The following ARCN1 variants were observed in gnomAD, a reference collection of about 807,000 sequenced individuals.
The protein encoded by ARCN1 is archain 1 coat protein complex I subunit delta, also known as coatomer subunit delta.
A neutral mutation model predicts 60.4 loss-of-function variants in ARCN1; 5 were observed. That is an observed-to-expected ratio of 0.08 (90% CI 0.04 to 0.17). The LOEUF is 0.17. Ranked by LOEUF, ARCN1 falls within the 10% of genes least tolerant of loss-of-function variation. The pLI, the probability that ARCN1 is intolerant of heterozygous loss-of-function variation, is 1.00. For synonymous variants in ARCN1, 224 were observed against 220.0 expected, an observed-to-expected ratio of 1.02 and a Z score of -0.16; for missense variants, 464 against 626.5, an observed-to-expected ratio of 0.74 and a Z score of 2.77.
rs1467164743 is a variant in ARCN1, at chr11:118,572,538, C to T, written c.-10C>T. Reference sequence around the variant, plus strand: ...CCGGAGTGCGGGCGCGCCCCACCACCGCCCTCACCATGGTAAGATCCGAGC... The same window carrying T: ...CCGGAGTGCGGGCGCGCCCCACCACTGCCCTCACCATGGTAAGATCCGAGC... On this transcript the variant is annotated 5_prime_UTR_variant, in exon 1 of 10. Transcript: ENST00000264028. 2.5e-6 allele frequency: 4 copies of T among 1,611,370 alleles called. No individual in the cohort carries two copies. The highest frequency in any genetic ancestry group is 1.7e-5 in the Admixed American group (1 of 59,816).
intron 5 of ARCN1, among the ~76,000 whole-genome samples, chr11:118,585,346 T>G (rs760524867): frequency 3.7e-4 from 57 of 152,166 alleles, no homozygotes; most frequent in Non-Finnish European, 6.5e-4. Context: ...ACAGCTAAAT[T>G]AAAGTTACTT....
At chr11:118,577,729 G>C (rs1297861573) in intron 1 of ARCN1, among the ~76,000 whole-genome samples, 2 of 152,168 alleles carry the variant, frequency 1.3e-5, no homozygotes, top group Non-Finnish European at 2.9e-5. Context: ...ATGCTAGCCT[G>C]TGTCATCTTA....
intron 4 of ARCN1, 98 bp downstream of exon 4, chr11:118,584,112 G>T: frequency 8.4e-7 from 1 of 1,196,388 alleles, no homozygotes; most frequent in Non-Finnish European, 1.2e-6. Context: ...AAATAAAGAA[G>T]GACTTGATGA....
intron 8 of ARCN1, among the ~76,000 whole-genome samples, chr11:118,596,404 C>A (rs1367979207): frequency 1.3e-5 from 2 of 152,152 alleles, no homozygotes; most frequent in Non-Finnish European, 2.9e-5. Flanking sequence ...TTCCTGTATT[C>A]TAGTTCAGTT....
intron 9 of ARCN1, among the ~76,000 whole-genome samples, chr11:118,599,676 C>T: frequency 6.6e-6 from 1 of 152,186 alleles, no homozygotes; most frequent in East Asian, 1.9e-4. Flanking sequence ...ATGATCCGCC[C>T]ACCTCGGCTT....
At chr11:118,575,995 T>C (rs1427396989) in intron 1 of ARCN1, among the ~76,000 whole-genome samples, 1 of 151,508 alleles carries the variant, frequency 6.6e-6, no homozygotes, top group African/African-American at 2.4e-5. Context: ...TTTCTGTTAC[T>C]GTAGTTTTCA....
rs1364924445 is a variant in ARCN1, at chr11:118,581,590, A to T, written c.267+81A>T. On this transcript the variant is annotated intron_variant, in intron 2 of 9. Coordinates refer to ENST00000264028, the MANE Select transcript of ARCN1 (RefSeq NM_001655.5). ...ACTAGTTTTTCCTCCAAAGCAGCTGATGCTAACCAGTTTGCAGGTTCCTAC... is the reference window on the plus strand; with the variant it reads ...ACTAGTTTTTCCTCCAAAGCAGCTGTTGCTAACCAGTTTGCAGGTTCCTAC... 11 of 1,469,498 alleles carry T rather than the reference A, an allele frequency of 7.5e-6. No homozygotes were observed. In the East Asian group the frequency reaches 1.6e-4, roughly 21 times the overall value. The allele number at this position is 1,469,498 out of a possible 1,614,324, so 91.0% of individuals were successfully genotyped here. A position where few individuals can be genotyped will look rare whatever the true frequency, so the allele number is the denominator to read the frequency against.
chr11:118,574,027 T>C (rs1328348903), intron 1 of ARCN1, among the ~76,000 whole-genome samples: 1 of 152,212 alleles, frequency 6.6e-6, no homozygotes, highest in Non-Finnish European at 1.5e-5. Flanking sequence ...AAATATTCTT[T>C]GTTAAAAGGT....
At chr11:118,575,411 G>GGTGTGTGTGTGTGTGTGTGTGT (rs56934953) in intron 1 of ARCN1, among the ~76,000 whole-genome samples, 53 of 149,186 alleles carry the variant, frequency 3.6e-4, no homozygotes, top group African/African-American at 1.3e-3. Context: ...ACTGATAACG[G>GGTGTGTGTGTGTGTGTGTGTGT]GTGTGTGTGT....
intron 9 of ARCN1, among the ~76,000 whole-genome samples, chr11:118,599,045 C>G (rs150520944): frequency 1.3e-5 from 2 of 151,618 alleles, no homozygotes; most frequent in Non-Finnish European, 2.9e-5. Context: ...CCGCCCACCT[C>G]AGCCTCCCAA....
At chr11:118,573,337 G>A (rs183686280) in intron 1 of ARCN1, among the ~76,000 whole-genome samples, 2 of 152,230 alleles carry the variant, frequency 1.3e-5, no homozygotes, top group African/African-American at 4.8e-5. Context: ...GGAGTAAGAG[G>A]GATGGGTTAG....
At chr11:118,593,304 T>G (rs1292581450) in intron 7 of ARCN1, among the ~76,000 whole-genome samples, 1 of 151,946 alleles carries the variant, frequency 6.6e-6, no homozygotes, top group African/African-American at 2.4e-5. Context: ...TCATGGCTCA[T>G]TACAACCTTG....
At chr11:118,590,892 C>T (rs1938892358) in intron 6 of ARCN1, among the ~76,000 whole-genome samples, 2 of 152,136 alleles carry the variant, frequency 1.3e-5, no homozygotes, top group South Asian at 2.1e-4. Context: ...GTGGCTCATG[C>T]CTATAATACC....
Position 118,601,965 on chromosome 11 carries a change from A to G in ARCN1, c.*1251A>G. On this transcript the variant is annotated 3_prime_UTR_variant, in exon 10 of 10. Coordinates refer to ENST00000264028, the MANE Select transcript of ARCN1 (RefSeq NM_001655.5). ...AGTCTGTAATCCATTCACATTCCTC[A>G]GTTTCACCACCTCCCTCTTCCAGAC... is the stretch of plus-strand genomic sequence containing the variant. 1 of 504,258 alleles carries G rather than the reference A, an allele frequency of 2.0e-6. No homozygotes were observed. 31.2% of individuals were successfully genotyped at this position (504,258 alleles called of 1,614,324 possible). A position where few individuals can be genotyped will look rare whatever the true frequency, so the allele number is the denominator to read the frequency against.
At chr11:118,585,387 T>C (rs1591385825) in intron 5 of ARCN1, among the ~76,000 whole-genome samples, 1 of 152,200 alleles carries the variant, frequency 6.6e-6, no homozygotes, top group East Asian at 1.9e-4. Context: ...GCGTATCTCT[T>C]AGAATGCACT....
At chr11:118,578,529 A>T (rs1938575655) in intron 1 of ARCN1, among the ~76,000 whole-genome samples, 1 of 152,206 alleles carries the variant, frequency 6.6e-6, no homozygotes, top group South Asian at 2.1e-4. Flanking sequence ...TCCTAGAGCT[A>T]TGACTCTCAA....
At chr11:118,591,831 C>T (rs1393139612) in intron 6 of ARCN1, among the ~76,000 whole-genome samples, 1 of 151,626 alleles carries the variant, frequency 6.6e-6, no homozygotes, top group African/African-American at 2.4e-5. Context: ...ACCTCCTAGG[C>T]TCAAGCAATG....
chr11:118,573,875 G>T, intron 1 of ARCN1: 1 of 498,322 alleles, frequency 2.0e-6, no homozygotes, highest in Non-Finnish European at 3.6e-6. Context: ...TTCTCCAGGA[G>T]GTTCTGTATT....
intron 1 of ARCN1, among the ~76,000 whole-genome samples, chr11:118,580,280 C>T (rs1938621794): frequency 6.6e-6 from 1 of 152,086 alleles, no homozygotes; most frequent in South Asian, 2.1e-4. Context: ...GCCAAGATTG[C>T]ACCATTACAG....
Sources: allele counts gnomAD v4.1 joint callset (sites outside exome capture counted in the v4.1 genomes callset), GRCh38; gene constraint gnomAD v4.1.1; transcripts MANE v1.5; gene names NCBI Gene and HGNC (gene_info 2026-07-23, HGNC 2026-07-21).